The following TP73 variants were observed in gnomAD, a reference collection of about 807,000 sequenced individuals.
The protein encoded by TP73 is tumor protein p73.
In TP73, 25 loss-of-function variants were observed where a neutral mutation model predicts 62.5. The ratio of observed to expected loss-of-function variants is 0.40; its 90% CI spans 0.29 to 0.56. The LOEUF is 0.56. TP73 is among the 20% of genes least tolerant of loss of function. The pLI is 0.46. For missense variants in TP73, 754 were observed against 913.3 expected, an observed-to-expected ratio of 0.83 and a Z score of 2.25; for synonymous variants, 423 against 377.5, an observed-to-expected ratio of 1.12 and a Z score of -1.40.
chr1:3,665,502 A>C (rs985982167), intron 1 of TP73, among the ~76,000 whole-genome samples: 2 of 152,196 alleles, frequency 1.3e-5, no homozygotes, highest in African/African-American at 4.8e-5. Context: ...TAACAGAAAG[A>C]GTCTACTCTT....
chr1:3,735,272 A>C lies in TP73; in HGVS notation c.*2193A>C, dbSNP rs1642394863. The C allele has an allele frequency of 6.6e-6, 1 of 152,194 alleles. No individual in the cohort carries two copies. The highest frequency in any genetic ancestry group is 6.5e-5 in the Admixed American group (1 of 15,280). 9.4% of individuals were successfully genotyped at this position (152,194 alleles called of 1,614,324 possible). A position where few individuals can be genotyped will look rare whatever the true frequency, so the allele number is the denominator to read the frequency against. ...CACCCGGGGTTCCTCAGCCCAGCGC[A>C]GATGTGCTTCAGTTCCAGAGGGCTT... On this transcript the variant is annotated 3_prime_UTR_variant, in exon 14 of 14. Transcript: ENST00000378295.
At position 3,733,931 on chromosome 1, in the gene TP73, T is replaced by G. The variant is rs1049337427; in HGVS notation, c.*852T>G. 6.6e-6 allele frequency: 1 copy of G among 150,960 alleles called. No individual in the cohort carries two copies. Among genetic ancestry groups the G allele is most frequent in the African/African-American group, 2.5e-5 (1 of 40,710 alleles). 9.4% of individuals were successfully genotyped at this position (150,960 alleles called of 1,614,324 possible). On this transcript the variant is annotated 3_prime_UTR_variant, in exon 14 of 14. Coordinates refer to ENST00000378295, the MANE Select transcript of TP73 (RefSeq NM_005427.4). Reference sequence around the variant, plus strand: ...CATGGTGGGTCAGCTTTTTTTTTTTTTTTTTTAACTTTCTTTCTCAGCATT... The same window carrying G: ...CATGGTGGGTCAGCTTTTTTTTTTTGTTTTTTAACTTTCTTTCTCAGCATT...
intron 1 of TP73, among the ~76,000 whole-genome samples, chr1:3,671,794 G>A (rs974004254): frequency 2.7e-4 from 41 of 152,182 alleles, no homozygotes; most frequent in African/African-American, 8.9e-4. Flanking sequence ...GAGAGCCAGC[G>A]GACAGCCACT....
intron 1 of TP73, among the ~76,000 whole-genome samples, chr1:3,678,301 C>T (rs1478935560): frequency 6.6e-6 from 1 of 152,258 alleles, no homozygotes; most frequent in African/African-American, 2.4e-5. Context: ...CACTGGGATC[C>T]TTGCCTGAAA....
chr1:3,665,657 CTTTTT>C (rs58949374), intron 1 of TP73, among the ~76,000 whole-genome samples: 1 of 137,596 alleles, frequency 7.3e-6, no homozygotes, highest in Admixed American at 7.2e-5. Context: ...TCTCTCTTTT[CTTTTT>C]TTTTTTTTTT....
chr1:3,728,607 C>T (rs1439949565), intron 9 of TP73, among the ~76,000 whole-genome samples: 3 of 152,186 alleles, frequency 2.0e-5, no homozygotes, highest in African/African-American at 7.2e-5. Context: ...TGGCCTCCAA[C>T]AGGTGAATTA....
chr1:3,685,455 T>C (rs1279286748), intron 3 of TP73, among the ~76,000 whole-genome samples: 1 of 152,166 alleles, frequency 6.6e-6, no homozygotes, highest in Non-Finnish European at 1.5e-5. Context: ...ACAGCTCGAC[T>C]CACGGAGATG....
chr1:3,729,791 G>A (rs1184339651), intron 10 of TP73: 126 of 807,808 alleles, frequency 1.6e-4, no homozygotes, highest in Non-Finnish European at 2.1e-5. Context: ...CTGCCTCCCG[G>A]CCCCGCCATG....
intron 3 of TP73, among the ~76,000 whole-genome samples, chr1:3,695,943 A>G (rs957759099): frequency 2.6e-5 from 4 of 152,122 alleles, no homozygotes; most frequent in African/African-American, 9.7e-5. Flanking sequence ...GGTGGGGGAG[A>G]CCCCAAGTTT....
chr1:3,677,689 C>CTTTTTTTTT lies in TP73; in HGVS notation c.-33-4644_-33-4643insTTTTTTTTT, dbSNP rs1215137164. ...CTCATTTATTTCATTTCCTTCCTTCCCTTTTTTTTTTTTTTTTTTTTAGAG... is the reference window on the plus strand; with the variant it reads ...CTCATTTATTTCATTTCCTTCCTTCCTTTTTTTTTCTTTTTTTTTTTTTTTTTTTTAGAG... On this transcript the variant is annotated intron_variant, in intron 1 of 13. Coordinates refer to ENST00000378295, the MANE Select transcript of TP73 (RefSeq NM_005427.4). Among the ~76,000 whole-genome samples the CTTTTTTTTT allele has an allele frequency of 2.2e-5, 3 of 137,224 alleles. 1 individual carries two copies. 90.0% of individuals were successfully genotyped at this position (137,224 alleles called of 152,430 possible).
intron 3 of TP73, among the ~76,000 whole-genome samples, chr1:3,698,671 G>A (rs1411809111): frequency 6.6e-6 from 1 of 152,194 alleles, no homozygotes; most frequent in African/African-American, 2.4e-5. Context: ...GGCAGTGAGG[G>A]TTGAGGAGAG....
intron 3 of TP73, among the ~76,000 whole-genome samples, chr1:3,700,183 A>G (rs1308514214): frequency 6.7e-6 from 1 of 150,286 alleles, no homozygotes; most frequent in Non-Finnish European, 1.5e-5. Flanking sequence ...ACCAGGCTGC[A>G]TGTGCCTTCC....
intron 1 of TP73, among the ~76,000 whole-genome samples, chr1:3,673,064 T>G (rs1645278771): frequency 6.6e-6 from 1 of 152,192 alleles, no homozygotes; most frequent in South Asian, 2.1e-4. Flanking sequence ...GGTTATCTGT[T>G]TACCGCGTTG....
intron 4 of TP73, among the ~76,000 whole-genome samples, chr1:3,716,075 T>C (rs959385244): frequency 6.6e-6 from 1 of 152,182 alleles, no homozygotes; most frequent in Non-Finnish European, 1.5e-5. Context: ...TCCTCAGGGT[T>C]CCCACTTGCC....
intron 4 of TP73, among the ~76,000 whole-genome samples, chr1:3,710,577 TACAAGTCC>T (rs1253147409): frequency 6.6e-6 from 1 of 152,184 alleles, no homozygotes; most frequent in Non-Finnish European, 1.5e-5. Flanking sequence ...TTTTCTCAAG[TACAAGTCC>T]ACATTGGCTG....
intron 1 of TP73, among the ~76,000 whole-genome samples, chr1:3,676,053 G>A (rs561305781): frequency 6.6e-6 from 1 of 151,864 alleles, no homozygotes; most frequent in East Asian, 2.0e-4. Flanking sequence ...GGGGACTGGG[G>A]ACAGGGGACA....
intron 4 of TP73, among the ~76,000 whole-genome samples, chr1:3,718,803 G>A (rs1028871112): frequency 3.3e-5 from 5 of 152,188 alleles, no homozygotes; most frequent in Non-Finnish European, 7.4e-5. Flanking sequence ...TGGCACTAGG[G>A]TGGAAGAAGC....
At chr1:3,703,081 G>A (rs1639332123) in intron 3 of TP73, among the ~76,000 whole-genome samples, 1 of 152,132 alleles carries the variant, frequency 6.6e-6, no homozygotes, top group Non-Finnish European at 1.5e-5. Context: ...GGCCTAAGGG[G>A]GAGGTCAGAG....
At chr1:3,656,045 G>A (rs112535445) in intron 1 of TP73, among the ~76,000 whole-genome samples, 4,864 of 152,110 alleles carry the variant, frequency 0.032, 262 homozygotes, top group African/African-American at 0.11. Context: ...GGCGTGGTGC[G>A]GGCACCTGTA....
Sources: gnomAD v4.1 joint callset for allele counts (sites outside exome capture counted in the v4.1 genomes callset) on GRCh38, gnomAD v4.1.1 for gene constraint, MANE v1.5 for transcripts, NCBI Gene and HGNC (gene_info 2026-07-23, HGNC 2026-07-21) for gene names.